Variants in PYCR2 observed in about 807,000 individuals in gnomAD.
The protein encoded by PYCR2 is pyrroline-5-carboxylate reductase 2, also known as P5C reductase 2.
Under a neutral mutation model 23.4 loss-of-function variants are expected in PYCR2, and 17 were observed. The observed-to-expected ratio is 0.73, with a 90% CI of 0.50 to 1.09. PYCR2 has a LOEUF of 1.09. PYCR2 is among the 50% of genes least tolerant of loss of function. The pLI is 0.00. For synonymous variants in PYCR2, 172 were observed against 176.6 expected (o/e 0.97, Z 0.21); for missense variants, 380 against 423.5 (o/e 0.90, Z 0.90).
At chr1:225,923,809 C>G in intron 1 of PYCR2, 38 bp from the exon 2 acceptor site, 1 of 1,613,504 alleles carries the variant, frequency 6.2e-7, no homozygotes, top group Non-Finnish European at 8.5e-7. Flanking sequence ...GGGTCGCGGC[C>G]CAGCCCGTTA....
chr1:225,920,389 G>C lies in PYCR2; in HGVS notation c.*66C>G, dbSNP rs1576145562. The C allele has an allele frequency of 1.5e-6, 2 of 1,375,978 alleles. No homozygotes were observed. The highest frequency in any genetic ancestry group is 3.0e-5 in the African/African-American group (2 of 67,460). The allele number at this position is 1,375,978 out of a possible 1,614,324, so 85.2% of individuals were successfully genotyped here. ...GGGGCAATGGTGGGAGCGGGGCAGG[G>C]GGGTGGCAGGGGCGGCAGGGGCTCT... On this transcript the variant is annotated 3_prime_UTR_variant, in exon 7 of 7. Transcript: ENST00000343818.
chr1:225,922,051 T>C lies in PYCR2; in HGVS notation c.347A>G (p.Lys116Arg), dbSNP rs758214339. 16 of 1,613,980 alleles carry C rather than the reference T, an allele frequency of 9.9e-6. No homozygotes were observed. In the South Asian group the frequency reaches 1.3e-4, roughly 13 times the overall value. ...KKLMAFQPAP[K>R]VIRCMTNTPV... ...TGTGTTGGTCATGCAGCGAATCACT[T>C]TGGGGGCTGGCTGGAATGCCATCAG... The change falls in exon 4 of 7, where the codon AAA (lysine) becomes AGA (arginine). Residue 116 changes from lysine to arginine, a missense_variant. Physicochemically the swap from Lys to Arg is conservative, Grantham distance 26 (BLOSUM62 2). Transcript: ENST00000343818.
intron 2 of PYCR2, 140 bp downstream of exon 2, chr1:225,923,561 G>C (rs756687031): frequency 7.7e-5 from 117 of 1,511,388 alleles, no homozygotes; most frequent in Non-Finnish European, 9.9e-5. Context: ...AAGGTGGAAA[G>C]ATTGTCACGT....
At chr1:225,922,686 G>T in intron 2 of PYCR2, 2 of 383,708 alleles carry the variant, frequency 5.2e-6, no homozygotes, top group East Asian at 5.0e-5. Context: ...AAGGCCCTAT[G>T]GTGAAAGTGG....
chr1:225,921,991 G>A lies in PYCR2; in HGVS notation c.407C>T (p.Ala136Val), dbSNP rs909801676. Residue 136 changes from alanine to valine, a missense_variant, in exon 4 of 7, where the codon GCC becomes GTC. Ala to Val is a moderately conservative substitution (Grantham distance 64). Coordinates refer to ENST00000343818, the MANE Select transcript of PYCR2 (RefSeq NM_013328.4). This position sits in a 1 kb window ranked among gnomAD's most constrained non-coding sequence, Gnocchi z 4.2. ...CTCCACCAGGGCATGGGTGCCCGTG[G>A]CGTACACTGTAGCGCCTTCCTGCAC... The part of the protein sequence containing the change: ...VVVQEGATVY[A>V]TGTHALVEDG... The A allele has an allele frequency of 5.0e-6, 8 of 1,614,092 alleles. No homozygotes were observed. Among genetic ancestry groups the A allele is most frequent in the Non-Finnish European group, 4.2e-6 (5 of 1,180,032 alleles).
chr1:225,920,636 CAGA>C lies in PYCR2; in HGVS notation c.798-19_798-17del, dbSNP rs1255363769. ...CTGTAGCTCTCTGCAGACAAAACCC[CAGA>C]AGGATTAAAGGAAGGCAATAAACCC... On this transcript the variant is annotated splice_polypyrimidine_tract_variant and intron_variant, in intron 6 of 6. Transcript: ENST00000343818. 1.2e-6 allele frequency: 2 copies of C among 1,611,996 alleles called. No homozygotes were observed. Among genetic ancestry groups the C allele is most frequent in the Middle Eastern group, 1.7e-4 (1 of 6,056 alleles).
chr1:225,921,675 T>C lies in PYCR2; in HGVS notation c.541-31A>G, dbSNP rs560789459. ...GAGACACTCACTAAGCCCCAGGCCA[T>C]AGGCACTGAAGGGCCTTTCCTTAGG... On this transcript the variant is annotated intron_variant, in intron 4 of 6. Coordinates refer to ENST00000343818, the MANE Select transcript of PYCR2 (RefSeq NM_013328.4). This position sits in a 1 kb window ranked among gnomAD's most constrained non-coding sequence, Gnocchi z 4.2. The C allele has an allele frequency of 2.1e-5, 34 of 1,611,980 alleles. No homozygotes were observed. Among genetic ancestry groups the C allele is most frequent in the Non-Finnish European group, 2.0e-5 (23 of 1,178,040 alleles).
Position 225,922,403 on chromosome 1 carries a change from G to A in PYCR2, c.139-20C>T, listed in dbSNP as rs1251102198. The stretch of plus-strand genomic sequence containing the variant: ...CATCTTCTGCAAGAGGAGACTCCCA[G>A]CTCACAGTGCTGGAGCAGCCTGGCT... On this transcript the variant is annotated intron_variant, in intron 2 of 6. Transcript: ENST00000343818. 1.9e-6 allele frequency: 3 copies of A among 1,601,488 alleles called. No individual in the cohort carries two copies. In the South Asian group the frequency reaches 3.3e-5, roughly 18 times the overall value.
intron 2 of PYCR2, chr1:225,922,588 T>C (rs868040184): frequency 3.5e-6 from 2 of 569,570 alleles, no homozygotes; most frequent in Non-Finnish European, 3.1e-6. Flanking sequence ...GCTTGGAGCA[T>C]GACAAGCTTC....
intron 1 of PYCR2, 21 bp from the exon 2 acceptor site, chr1:225,923,792 CA>C: frequency 6.2e-7 from 1 of 1,614,014 alleles, no homozygotes; most frequent in South Asian, 1.1e-5. Context: ...CAGAGCTTTT[CA>C]ACTAGGGGTC....
Position 225,923,000 on chromosome 1 carries a change from C to T in PYCR2, c.139-617G>A, listed in dbSNP as rs977644338. On this transcript the variant is annotated intron_variant, in intron 2 of 6. Transcript: ENST00000343818. The stretch of plus-strand genomic sequence containing the variant: ...TTTGGAGAACAGAACAACTAACTCA[C>T]CAGATTCTTCCCAATATGCTCATTC... 1.7e-5 allele frequency: 17 copies of T among 978,026 alleles called. 1 individual carries two copies. In the South Asian group the frequency reaches 7.1e-4, roughly 41 times the overall value. 60.6% of individuals were successfully genotyped at this position (978,026 alleles called of 1,614,324 possible).
rs1451766020 is a variant in PYCR2, at chr1:225,921,664, G to C, written c.541-20C>G. ...GAATGCCTGTGGAGACACTCACTAA[G>C]CCCCAGGCCATAGGCACTGAAGGGC... On this transcript the variant is annotated intron_variant, in intron 4 of 6. Coordinates refer to ENST00000343818, the MANE Select transcript of PYCR2 (RefSeq NM_013328.4). This position sits in a 1 kb window ranked among gnomAD's most constrained non-coding sequence, Gnocchi z 4.2. 1 of 1,613,570 alleles carries C rather than the reference G, an allele frequency of 6.2e-7. No individual in the cohort carries two copies. The highest frequency in any genetic ancestry group is 1.1e-5 in the South Asian group (1 of 91,076).
rs1671795357 is a variant in PYCR2 at position 225,919,952 on chromosome 1, A to T, written c.*503T>A. 1 of 152,526 alleles carries T rather than the reference A, an allele frequency of 6.6e-6. No individual in the cohort carries two copies. Among genetic ancestry groups the T allele is most frequent in the Non-Finnish European group, 1.5e-5 (1 of 68,262 alleles). 9.4% of individuals were successfully genotyped at this position (152,526 alleles called of 1,614,324 possible). On this transcript the variant is annotated 3_prime_UTR_variant, in exon 7 of 7. Coordinates refer to ENST00000343818, the MANE Select transcript of PYCR2 (RefSeq NM_013328.4). ...ACACTCTTTAAATGGTACACCTATG[A>T]AGCAAGAGTTAAATATAAACCCAGT...
chr1:225,921,257 A>G lies in PYCR2; in HGVS notation c.748T>C (p.Phe250Leu), dbSNP rs764231737. ...HALHFLESGG[F>L]RSLLINAVEA... ...ACTGCATTGATGAGCAGAGAGCGGAAGCCCCCACTCTCTAGAAAGTGCAGG... is the reference window on the plus strand; with the variant it reads ...ACTGCATTGATGAGCAGAGAGCGGAGGCCCCCACTCTCTAGAAAGTGCAGG... Residue 250 changes from phenylalanine to leucine, a missense_variant, in exon 6 of 7, where the codon TTC becomes CTC. Transcript: ENST00000343818. The surrounding 1 kb of genome is among the most constrained non-coding windows in gnomAD (Gnocchi z 4.2). 6.2e-7 allele frequency: 1 copy of G among 1,614,070 alleles called. No individual in the cohort carries two copies. The highest frequency in any genetic ancestry group is 8.5e-7 in the Non-Finnish European group (1 of 1,179,934).
intron 6 of PYCR2, 151 bp from the exon 7 acceptor site, chr1:225,920,771 C>T (rs1671814286): frequency 1.2e-6 from 1 of 828,122 alleles, no homozygotes; most frequent in African/African-American, 1.7e-5. Context: ...ACTAGTACTT[C>T]CCAACTAGTA....
At chr1:225,922,784 C>T (rs1444230686) in intron 2 of PYCR2, 4 of 228,462 alleles carry the variant, frequency 1.8e-5, no homozygotes, top group Non-Finnish European at 3.4e-5. Context: ...TTCGTGGGGA[C>T]CGCACAGTCT....
Position 225,922,008 on chromosome 1 carries a change from T to C in PYCR2, c.390A>G (p.Glu130=). 6.2e-7 allele frequency: 1 copy of C among 1,614,212 alleles called. No homozygotes were observed. The highest frequency in any genetic ancestry group is 8.5e-7 in the Non-Finnish European group (1 of 1,180,022). Reference sequence around the variant, plus strand: ...TGCCCGTGGCGTACACTGTAGCGCCTTCCTGCACTACCACAGGTGTGTTGG... The same window carrying C: ...TGCCCGTGGCGTACACTGTAGCGCCCTCCTGCACTACCACAGGTGTGTTGG... ...CMTNTPVVVQ[E]GATVYATGTH... is the part of the protein sequence containing the mutation. The change falls in exon 4 of 7, where the codon GAA becomes GAG. Residue 130 remains glutamate (E), a synonymous_variant. Coordinates refer to ENST00000343818, the MANE Select transcript of PYCR2 (RefSeq NM_013328.4).
chr1:225,921,439 C>G lies in PYCR2; in HGVS notation c.634-68G>C, dbSNP rs1671834152. The G allele has an allele frequency of 1.3e-6, 2 of 1,526,874 alleles. No homozygotes were observed. The highest frequency in any genetic ancestry group is 1.8e-6 in the Non-Finnish European group (2 of 1,108,704). The allele number at this position is 1,526,874 out of a possible 1,614,324, so 94.6% of individuals were successfully genotyped here. On this transcript the variant is annotated intron_variant, in intron 5 of 6. Coordinates refer to ENST00000343818, the MANE Select transcript of PYCR2 (RefSeq NM_013328.4). This position sits in a 1 kb window ranked among gnomAD's most constrained non-coding sequence, Gnocchi z 4.2. ...TGGAACAGGCTTCCCATACCCACTGCTCCTGCCCAACTGCTACCCCAGCTT... is the reference window on the plus strand; with the variant it reads ...TGGAACAGGCTTCCCATACCCACTGGTCCTGCCCAACTGCTACCCCAGCTT...
intron 1 of PYCR2, 97 bp downstream of exon 1, chr1:225,923,947 C>A: frequency 1.1e-5 from 16 of 1,492,020 alleles, no homozygotes; most frequent in Non-Finnish European, 1.4e-5. Flanking sequence ...CCCCACCGGA[C>A]GCAAACTCCC....
Sources: allele counts gnomAD v4.1 joint callset, GRCh38; gene constraint gnomAD v4.1.1; non-coding constraint Gnocchi (gnomAD v3.1); transcripts MANE v1.5; gene names NCBI Gene and HGNC (gene_info 2026-07-23, HGNC 2026-07-21).